L3HYPDH: variants seen among roughly 807,000 people sequenced by gnomAD.
L3HYPDH encodes the protein trans-3-hydroxy-L-proline dehydratase.
L3HYPDH carries 32 observed loss-of-function variants against 26.5 expected under a neutral mutation model. That is an observed-to-expected ratio of 1.21 (90% CI 0.91 to 1.62). The LOEUF is 1.62. Ranked by LOEUF, L3HYPDH falls within the 40% of genes most tolerant of loss-of-function variation. L3HYPDH has a pLI of 0.00. For missense variants in L3HYPDH, 554 were observed against 476.4 expected (o/e 1.16, Z -1.52); for synonymous variants, 215 against 196.6 (o/e 1.09, Z -0.78).
chr14:59,501,776 C>T, the L3HYPDH span, among the ~76,000 whole-genome samples: 1 of 152,132 alleles, frequency 6.6e-6, no homozygotes, highest in East Asian at 1.9e-4. Flanking sequence ...CATTAATAGC[C>T]ACATTATTCT....
the L3HYPDH span, among the ~76,000 whole-genome samples, chr14:59,492,345 AAAG>A: frequency 1.3e-5 from 2 of 152,246 alleles, no homozygotes; most frequent in African/African-American, 4.8e-5. Flanking sequence ...TTGCACTGAG[AAAG>A]AAGGAGATGG....
chr14:59,474,450 T>A (rs541372407), intron 4 of L3HYPDH: 6 of 686,530 alleles, frequency 8.7e-6, no homozygotes, highest in Middle Eastern at 4.7e-4. Context: ...TGGACTTGTC[T>A]GAGTCATTCT....
chr14:59,494,288 G>A, the L3HYPDH span, among the ~76,000 whole-genome samples: 1 of 152,028 alleles, frequency 6.6e-6, no homozygotes, highest in South Asian at 2.1e-4. Flanking sequence ...CCACAAACAG[G>A]TACACATTTG....
downstream of L3HYPDH, among the ~76,000 whole-genome samples, chr14:59,468,170 A>G (rs1220619031): frequency 2.6e-5 from 4 of 152,200 alleles, no homozygotes; most frequent in Admixed American, 2.6e-4. Context: ...GGAGGATCGT[A>G]TGAGCCCAGT....
upstream of L3HYPDH, among the ~76,000 whole-genome samples, chr14:59,488,955 T>C (rs995368175): frequency 6.6e-6 from 1 of 152,270 alleles, no homozygotes; most frequent in African/African-American, 2.4e-5. Flanking sequence ...TTCTATTCTT[T>C]CCTTCTAGGC....
chr14:59,473,134 G>C, intron 4 of L3HYPDH, 44 bp from the exon 5 acceptor site: 1 of 1,532,182 alleles, frequency 6.5e-7, no homozygotes. Flanking sequence ...TATTGCACTC[G>C]TATTATATCT....
intron 2 of L3HYPDH, 49 bp from the exon 3 acceptor site, chr14:59,476,263 A>G: frequency 1.5e-6 from 2 of 1,373,966 alleles, no homozygotes; most frequent in South Asian, 1.3e-5. Flanking sequence ...TTTTGATTCA[A>G]ATTTATAAAT....
the L3HYPDH span, among the ~76,000 whole-genome samples, chr14:59,503,021 T>A: frequency 1.3e-5 from 2 of 151,980 alleles, no homozygotes; most frequent in African/African-American, 2.4e-5. Context: ...GTGCTGAGAT[T>A]ACAGGGGTGA....
chr14:59,479,762 T>C (rs890271363), intron 1 of L3HYPDH, among the ~76,000 whole-genome samples: 1 of 152,222 alleles, frequency 6.6e-6, no homozygotes, highest in African/African-American at 2.4e-5. Context: ...TTGGATCCTA[T>C]TTACAAATCA....
At chr14:59,493,807 C>T in the L3HYPDH span, among the ~76,000 whole-genome samples, 58,870 of 151,566 alleles carry the variant, frequency 0.39, 12,103 homozygotes, top group African/African-American at 0.52. Context: ...ATGTACATGA[C>T]ATCAAGGATT....
intron 1 of L3HYPDH, among the ~76,000 whole-genome samples, chr14:59,480,032 G>A (rs1186790294): frequency 6.6e-6 from 1 of 152,170 alleles, no homozygotes; most frequent in Non-Finnish European, 1.5e-5. Flanking sequence ...CCAAAGAAAG[G>A]GGGCTGGGTG....
chr14:59,485,048 T>G (rs1442470987), upstream of L3HYPDH: 1 of 1,598,204 alleles, frequency 6.3e-7, no homozygotes, highest in Non-Finnish European at 8.5e-7. Flanking sequence ...TCTTAAAACT[T>G]TAGCCATCGT....
chr14:59,479,302 T>C lies in L3HYPDH; in HGVS notation c.558A>G (p.Ala186=), dbSNP rs1889851459. The change falls in exon 2 of 5, where the codon GCA becomes GCG. Residue 186 remains alanine, a synonymous_variant. Transcript: ENST00000247194. ...CAAATGCATAAAATGCACCGCCATA[T>C]GCAATGTCCACCATCACCTTTCCAT... ...PGHGKVMVDI[A]YGGAFYAFVT... is the part of the protein sequence containing the mutation. 6.2e-7 allele frequency: 1 copy of C among 1,613,750 alleles called. No homozygotes were observed. Among genetic ancestry groups the C allele is most frequent in the African/African-American group, 1.3e-5 (1 of 75,028 alleles).
chr14:59,502,426 A>G, the L3HYPDH span, among the ~76,000 whole-genome samples: 1 of 152,296 alleles, frequency 6.6e-6, no homozygotes, highest in Non-Finnish European at 1.5e-5. Context: ...AAGAGAAAAT[A>G]AGTTGTAAAC....
chr14:59,501,850 G>A, the L3HYPDH span, among the ~76,000 whole-genome samples: 3 of 152,054 alleles, frequency 2.0e-5, no homozygotes, highest in South Asian at 6.2e-4. Flanking sequence ...TCAGTGGAAG[G>A]CCACTATTAT....
intron 1 of L3HYPDH, chr14:59,483,559 A>T: frequency 7.1e-7 from 1 of 1,410,392 alleles, no homozygotes; most frequent in Non-Finnish European, 9.2e-7. Flanking sequence ...GAGTCAGGGT[A>T]ACACGCAATT....
At chr14:59,490,097 T>C in the L3HYPDH span, among the ~76,000 whole-genome samples, 1 of 151,962 alleles carries the variant, frequency 6.6e-6, no homozygotes, top group African/African-American at 2.4e-5. Flanking sequence ...TAATTTTTTA[T>C]ATTTTGTAGA....
chr14:59,497,819 C>T, the L3HYPDH span, among the ~76,000 whole-genome samples: 1 of 152,118 alleles, frequency 6.6e-6, no homozygotes, highest in Non-Finnish European at 1.5e-5. Context: ...ATTATGGTAT[C>T]ATGATGCTGT....
intron 1 of L3HYPDH, among the ~76,000 whole-genome samples, chr14:59,481,658 T>C (rs1890032586): frequency 1.3e-5 from 2 of 152,250 alleles, no homozygotes; most frequent in Non-Finnish European, 2.9e-5. Context: ...GAATAAAACA[T>C]AGGCTTTTCC....
Sources: allele counts gnomAD v4.1 joint callset (sites outside exome capture counted in the v4.1 genomes callset), GRCh38; gene constraint gnomAD v4.1.1; transcripts MANE v1.5; gene names NCBI Gene and HGNC (gene_info 2026-07-23, HGNC 2026-07-21).